The following PIP4K2B variants were observed in gnomAD, a reference collection of about 807,000 sequenced individuals.
PIP4K2B encodes phosphatidylinositol 5-phosphate 4-kinase type-2 beta.
A neutral mutation model predicts 42.0 loss-of-function variants in PIP4K2B; 3 were observed. The observed-to-expected ratio is 0.07, with a 90% CI of 0.03 to 0.18. The LOEUF (loss-of-function observed/expected upper bound fraction) is 0.18, where lower values mean the gene tolerates loss of function less well. PIP4K2B is among the 10% of genes least tolerant of loss of function. The probability of loss-of-function intolerance (pLI) is 1.00; values close to 1 mark genes in which losing one functional copy is unlikely to be tolerated. For missense variants in PIP4K2B, 332 were observed against 562.3 expected (o/e 0.59, Z 4.14); for synonymous variants, 204 against 210.1 (o/e 0.97, Z 0.25).
intron 3 of PIP4K2B, among the ~76,000 whole-genome samples, chr17:38,781,638 T>C (rs749833341): frequency 1.3e-5 from 2 of 152,050 alleles, no homozygotes; most frequent in Non-Finnish European, 2.9e-5. Context: ...CGCCTCAGCC[T>C]ACCAAGTAGC....
Position 38,770,957 on chromosome 17 carries a change from G to A in PIP4K2B, c.1066+57C>T. ...GCCCCTAGAAGGATCTAAACAATGA[G>A]CTGAGGGGGTAGGATGAGGGCAGGG... On this transcript the variant is annotated intron_variant, in intron 8 of 9. Coordinates refer to ENST00000619039, the MANE Select transcript of PIP4K2B (RefSeq NM_003559.5). 15 of 1,595,056 alleles carry A rather than the reference G, an allele frequency of 9.4e-6. No homozygotes were observed. In the South Asian group the frequency reaches 1.6e-4, roughly 17 times the overall value.
rs1274975081 is a variant in PIP4K2B, at chr17:38,769,142, G to C, written c.*549C>G. The C allele has an allele frequency of 6.5e-6, 1 of 153,534 alleles. No individual in the cohort carries two copies. Among genetic ancestry groups the C allele is most frequent in the African/African-American group, 2.4e-5 (1 of 41,446 alleles). 9.5% of individuals were successfully genotyped at this position (153,534 alleles called of 1,614,324 possible). ...TAAATTACAAAGTTAATCCAGACAA[G>C]AGCAAATGCAGCAGGGCGAGGTGTC... On this transcript the variant is annotated 3_prime_UTR_variant, in exon 10 of 10. Transcript: ENST00000619039.
chr17:38,770,166 C>T (rs928600877), intron 9 of PIP4K2B, among the ~76,000 whole-genome samples: 12 of 152,188 alleles, frequency 7.9e-5, no homozygotes, highest in African/African-American at 1.9e-4. Flanking sequence ...GCCCAGCAGG[C>T]CCTGGGGAAA....
At chr17:38,773,966 G>C (rs1177098779) in intron 7 of PIP4K2B, among the ~76,000 whole-genome samples, 2 of 152,164 alleles carry the variant, frequency 1.3e-5, no homozygotes, top group African/African-American at 4.8e-5. Context: ...AAAGGGAGAA[G>C]GACAAAGACT....
At chr17:38,776,920 C>T (rs920143133) in intron 7 of PIP4K2B, among the ~76,000 whole-genome samples, 4 of 152,154 alleles carry the variant, frequency 2.6e-5, no homozygotes, top group African/African-American at 9.7e-5. Context: ...TTTTTTGAGA[C>T]AGGGTCTTGC....
In PIP4K2B at chr17:38,770,490, C is replaced by T. The variant is rs1316846827; in HGVS notation, c.1116G>A (p.Thr372=). ...VYFMAIIDIL[T]PYDTKKKAAH... is the part of the protein sequence containing the mutation. Reference sequence around the variant, plus strand: ...CAGCTTTCTTCTTTGTATCGTATGGCGTGAGGATATCAATGATGGCCATGA... The same window carrying T: ...CAGCTTTCTTCTTTGTATCGTATGGTGTGAGGATATCAATGATGGCCATGA... Residue 372 remains threonine (T), a synonymous_variant, in exon 9 of 10, where the codon ACG becomes ACA. Coordinates refer to ENST00000619039, the MANE Select transcript of PIP4K2B (RefSeq NM_003559.5). 5.6e-6 allele frequency: 9 copies of T among 1,612,256 alleles called. No homozygotes were observed. Among genetic ancestry groups the T allele is most frequent in the African/African-American group, 1.3e-5 (1 of 74,812 alleles).
At chr17:38,795,099 C>CAAAAAAAAA (rs61707682) in intron 1 of PIP4K2B, among the ~76,000 whole-genome samples, 13 of 41,494 alleles carry the variant, frequency 3.1e-4, no homozygotes, top group East Asian at 8.6e-4. Context: ...AACTCCATCT[C>CAAAAAAAAA]AAAAAAAAAA....
chr17:38,786,845 C>G lies in PIP4K2B; in HGVS notation c.235G>C (p.Val79Leu), dbSNP rs199776451. 95 of 1,610,614 alleles carry G rather than the reference C, an allele frequency of 5.9e-5. No homozygotes were observed. Among genetic ancestry groups the G allele is most frequent in the Middle Eastern group, 4.9e-4 (3 of 6,076 alleles). ...TACTTATTGAAGAGATGATTGTCCA[C>G]CTTGATCTTGCTGTAGGCTTTGAAG... Reference protein sequence around the residue: ...DDFKAYSKIKVDNHLFNKENL... With the variant: ...DDFKAYSKIKLDNHLFNKENL... Residue 79 changes from valine to leucine, a missense_variant, in exon 2 of 10, where the codon GTG (valine) becomes CTG (leucine). Around this residue, in one of 6 missense-constraint regions of PIP4K2B, gnomAD observed 186 missense variants for 288.4 expected, o/e 0.64. Coordinates refer to ENST00000619039, the MANE Select transcript of PIP4K2B (RefSeq NM_003559.5).
At position 38,799,430 on chromosome 17, in the gene PIP4K2B, GGGCGGC is replaced by G. The variant is rs538543660; in HGVS notation, c.-12_-7del. The G allele has an allele frequency of 5.1e-5, 81 of 1,574,828 alleles. 1 individual carries two copies. Among genetic ancestry groups the G allele is most frequent in the East Asian group, 7.0e-5 (3 of 43,000 alleles). ...CTGGTGCAGTTGGACGACATGCCCGGGGCGGCGGCGGCGGCGGCGAAAGAGGGGGGC... is the reference window on the plus strand; with the variant it reads ...CTGGTGCAGTTGGACGACATGCCCGGGGCGGCGGCGGCGAAAGAGGGGGGC... On this transcript the variant is annotated 5_prime_UTR_variant, in exon 1 of 10. Transcript: ENST00000619039. This position sits in a 1 kb window ranked among gnomAD's most constrained non-coding sequence, Gnocchi z 4.4.
In PIP4K2B at chr17:38,799,334, G is replaced by T; in HGVS notation, c.91C>A (p.Gln31Lys). 1 of 1,609,518 alleles carries T rather than the reference G, an allele frequency of 6.2e-7. No homozygotes were observed. Residue 31 changes from glutamine (Q) to lysine (K), a missense_variant, in exon 1 of 10, where the codon CAG (glutamine) becomes AAG (lysine). Physicochemically the swap from Gln to Lys is moderately conservative, Grantham distance 53. Coordinates refer to ENST00000619039, the MANE Select transcript of PIP4K2B (RefSeq NM_003559.5). The surrounding 1 kb of genome is among the most constrained non-coding windows in gnomAD (Gnocchi z 4.4). ...CTGGCCCGGAATAGCTTCACTTTCT[G>T]GCACACGAAATGCTTCTTCTTGGTC... ...TKTKKKHFVC[Q>K]KVKLFRASEP...
intron 1 of PIP4K2B, among the ~76,000 whole-genome samples, chr17:38,795,172 T>A: frequency 7.3e-6 from 1 of 137,442 alleles, no homozygotes. Flanking sequence ...TATTTGCAAA[T>A]CATATATCTG....
chr17:38,798,259 C>T (rs944206682), intron 1 of PIP4K2B, among the ~76,000 whole-genome samples: 22 of 152,170 alleles, frequency 1.4e-4, no homozygotes, highest in Non-Finnish European at 1.0e-4. Flanking sequence ...GTTTCGGGTC[C>T]TTTTACTTCC....
At chr17:38,778,284 T>C (rs1598047437) in intron 6 of PIP4K2B, 50 bp downstream of exon 6, 1 of 1,581,718 alleles carries the variant, frequency 6.3e-7, no homozygotes. Context: ...CCGACAGGAG[T>C]TGTTTCTGAC....
At chr17:38,776,554 A>T (rs1035711011) in intron 7 of PIP4K2B, 1 of 398,072 alleles carries the variant, frequency 2.5e-6, no homozygotes, top group Non-Finnish European at 4.9e-6. Context: ...TGAACCCAGG[A>T]GGCGGAGGTT....
intron 1 of PIP4K2B, among the ~76,000 whole-genome samples, chr17:38,787,953 T>G (rs939157655): frequency 2.6e-4 from 40 of 152,186 alleles, no homozygotes; most frequent in African/African-American, 9.6e-4. Context: ...ACCACAGTGC[T>G]TGGCACCATT....
Position 38,784,233 on chromosome 17 carries a change from G to C in PIP4K2B, c.354+10C>G. On this transcript the variant is annotated intron_variant, in intron 3 of 9. Coordinates refer to ENST00000619039, the MANE Select transcript of PIP4K2B (RefSeq NM_003559.5). ...CCCTAATCCACTGATGTTGCCAGGA[G>C]CCTCCATACCTGGTAATCCTGATCA... is the stretch of plus-strand genomic sequence containing the variant. 6.5e-7 allele frequency: 1 copy of C among 1,547,582 alleles called. No homozygotes were observed. The highest frequency in any genetic ancestry group is 1.4e-5 in the African/African-American group (1 of 73,662).
intron 1 of PIP4K2B, among the ~76,000 whole-genome samples, chr17:38,794,420 T>G (rs4794790): frequency 0.64 from 96,210 of 150,088 alleles, 31,495 homozygotes; most frequent in Middle Eastern, 0.74. Context: ...CCCATGGTCA[T>G]CAATAACATA....
Position 38,770,553 on chromosome 17 carries a change from G to A in PIP4K2B, c.1067-14C>T, listed in dbSNP as rs781038053. On this transcript the variant is annotated splice_polypyrimidine_tract_variant and intron_variant, in intron 8 of 9. Coordinates refer to ENST00000619039, the MANE Select transcript of PIP4K2B (RefSeq NM_003559.5). Reference sequence around the variant, plus strand: ...TCTTGGGGGAACCTGGAGGGACAAGGAGAGCAGGGAAGAAGGAAGAGGGGG... The same window carrying A: ...TCTTGGGGGAACCTGGAGGGACAAGAAGAGCAGGGAAGAAGGAAGAGGGGG... 3.4e-6 allele frequency: 5 copies of A among 1,454,682 alleles called. No homozygotes were observed. Among genetic ancestry groups the A allele is most frequent in the Admixed American group, 1.7e-5 (1 of 59,452 alleles). The allele number at this position is 1,454,682 out of a possible 1,614,324, so 90.1% of individuals were successfully genotyped here. A position where few individuals can be genotyped will look rare whatever the true frequency, so the allele number is the denominator to read the frequency against.
At position 38,768,297 on chromosome 17, in the gene PIP4K2B, G is replaced by A. The variant is rs1052610985; in HGVS notation, c.*1394C>T. On this transcript the variant is annotated 3_prime_UTR_variant, in exon 10 of 10. Transcript: ENST00000619039. ...AGCAGCCTGTGGCTCAGTTCTGAGGGCCTGGGTGGCAGGCTCCGAAGGCAG... is the reference window on the plus strand; with the variant it reads ...AGCAGCCTGTGGCTCAGTTCTGAGGACCTGGGTGGCAGGCTCCGAAGGCAG... 1.3e-5 allele frequency: 2 copies of A among 152,388 alleles called. No individual in the cohort carries two copies. Among genetic ancestry groups the A allele is most frequent in the African/African-American group, 4.8e-5 (2 of 41,460 alleles). The allele number at this position is 152,388 out of a possible 1,614,324, so 9.4% of individuals were successfully genotyped here.
Sources: allele counts gnomAD v4.1 joint callset (sites outside exome capture counted in the v4.1 genomes callset), GRCh38; gene constraint gnomAD v4.1.1; regional missense constraint gnomAD v4.1.1; non-coding constraint Gnocchi (gnomAD v3.1); transcripts MANE v1.5; gene names NCBI Gene and HGNC (gene_info 2026-07-23, HGNC 2026-07-21).